Variants in COL25A1 observed in about 807,000 individuals in gnomAD.
COL25A1 encodes collagen alpha-1(XXV) chain.
COL25A1 carries 103 observed loss-of-function variants against 128.4 expected under a neutral mutation model. The observed-to-expected ratio is 0.80, with a 90% CI of 0.68 to 0.94. The LOEUF is 0.94. Among genes scored for constraint, COL25A1 ranks in the 40% least tolerant of loss-of-function variants. The probability of loss-of-function intolerance (pLI) is 0.00; values close to 1 mark genes in which losing one functional copy is unlikely to be tolerated. For synonymous variants in COL25A1, 279 were observed against 277.2 expected (o/e 1.01, Z -0.06); for missense variants, 745 against 840.0 (o/e 0.89, Z 1.40).
At chr4:109,074,887 T>C (rs569362395) in intron 3 of COL25A1, among the ~76,000 whole-genome samples, 12 of 152,254 alleles carry the variant, frequency 7.9e-5, no homozygotes, top group Middle Eastern at 3.4e-3. Context: ...TTGTAAGAAG[T>C]ATGCGCATGA....
intron 6 of COL25A1, among the ~76,000 whole-genome samples, chr4:109,004,265 C>T (rs1755750873): frequency 6.6e-6 from 1 of 152,130 alleles, no homozygotes. Context: ...CTGTCTTCAG[C>T]TTTAGGAAGA....
chr4:109,160,603 T>G (rs150061108), intron 3 of COL25A1, among the ~76,000 whole-genome samples: 5 of 152,272 alleles, frequency 3.3e-5, no homozygotes, highest in African/African-American at 1.2e-4. Context: ...GAACGGGCTC[T>G]GTCCATCTGC....
At chr4:109,056,578 A>G (rs1761464259) in intron 3 of COL25A1, among the ~76,000 whole-genome samples, 1 of 152,194 alleles carries the variant, frequency 6.6e-6, no homozygotes, top group African/African-American at 2.4e-5. Context: ...GAATATGCAG[A>G]AACTATGTTC....
chr4:109,255,761 T>G (rs192127228), intron 3 of COL25A1, among the ~76,000 whole-genome samples: 119 of 152,356 alleles, frequency 7.8e-4, no homozygotes, highest in African/African-American at 2.8e-3. Flanking sequence ...TTTCATAATA[T>G]TGATGCTTTC....
At chr4:109,175,640 A>C (rs1450359222) in intron 3 of COL25A1, among the ~76,000 whole-genome samples, 1 of 152,216 alleles carries the variant, frequency 6.6e-6, no homozygotes, top group Admixed American at 6.6e-5. Flanking sequence ...CATCTTTCCC[A>C]AAAATTTAAT....
chr4:108,864,698 G>C (rs1391511757), intron 20 of COL25A1, among the ~76,000 whole-genome samples: 1 of 152,172 alleles, frequency 6.6e-6, no homozygotes, highest in Non-Finnish European at 1.5e-5. Context: ...CCCTGGAGGT[G>C]AGACTTGAGT....
intron 19 of COL25A1, among the ~76,000 whole-genome samples, chr4:108,880,298 T>A (rs943267283): frequency 6.6e-6 from 1 of 152,166 alleles, no homozygotes; most frequent in Non-Finnish European, 1.5e-5. Flanking sequence ...CTGGGATACA[T>A]TTGGGTAATA....
chr4:108,866,262 G>A (rs1046572150), intron 20 of COL25A1, among the ~76,000 whole-genome samples: 8 of 147,102 alleles, frequency 5.4e-5, no homozygotes, highest in African/African-American at 7.6e-5. Context: ...TTGTGATCTC[G>A]GCTCACTGCA....
intron 3 of COL25A1, among the ~76,000 whole-genome samples, chr4:109,080,843 T>C (rs1307450597): frequency 6.6e-6 from 1 of 152,234 alleles, no homozygotes; most frequent in Non-Finnish European, 1.5e-5. Context: ...TATTTTCAGC[T>C]ATCTCCCACT....
At chr4:109,073,370 A>T (rs910310830) in intron 3 of COL25A1, among the ~76,000 whole-genome samples, 1 of 152,244 alleles carries the variant, frequency 6.6e-6, no homozygotes, top group South Asian at 2.1e-4. Flanking sequence ...ATGAGAATGT[A>T]CAGATCCATT....
intron 19 of COL25A1, among the ~76,000 whole-genome samples, chr4:108,880,829 A>G (rs1323866357): frequency 3.9e-5 from 6 of 152,206 alleles, no homozygotes; most frequent in Non-Finnish European, 8.8e-5. Flanking sequence ...ATGTATTTAC[A>G]TTTTTCAAAA....
At chr4:109,161,153 T>C (rs1239875725) in intron 3 of COL25A1, among the ~76,000 whole-genome samples, 1 of 152,084 alleles carries the variant, frequency 6.6e-6, no homozygotes, top group Admixed American at 6.6e-5. Flanking sequence ...TTCAACTACA[T>C]CATGATCTAG....
chr4:109,236,144 C>T (rs370763107), intron 3 of COL25A1, among the ~76,000 whole-genome samples: 1 of 151,810 alleles, frequency 6.6e-6, no homozygotes, highest in Non-Finnish European at 1.5e-5. Context: ...GAAACAAACA[C>T]TTAGATTTTT....
chr4:108,889,787 C>G (rs950831937), intron 16 of COL25A1, 54 bp from the exon 17 acceptor site: 4 of 1,511,830 alleles, frequency 2.6e-6, no homozygotes, highest in South Asian at 1.1e-5. Context: ...TAGGAAACAT[C>G]ACAAGCACTC....
intron 3 of COL25A1, among the ~76,000 whole-genome samples, chr4:109,067,330 C>T (rs1762528643): frequency 6.6e-6 from 1 of 152,094 alleles, no homozygotes; most frequent in African/African-American, 2.4e-5. Context: ...AATACCCATA[C>T]TTTTTGAATG....
At position 108,825,131 on chromosome 4, in the gene COL25A1, T is replaced by A. The variant is rs1732216434; in HGVS notation, c.1791+65A>T. ...GAAAAAAAAGAAGTATTCTTTTTGT[T>A]ATCGATGATGGAGACCATCAACATC... On this transcript the variant is annotated intron_variant, in intron 34 of 37. Transcript: ENST00000399132. 6 of 1,290,412 alleles carry A rather than the reference T, an allele frequency of 4.6e-6. No homozygotes were observed. The East Asian group carries it at 1.2e-4, about 25-fold the overall frequency. The allele number at this position is 1,290,412 out of a possible 1,614,324, so 79.9% of individuals were successfully genotyped here. A position where few individuals can be genotyped will look rare whatever the true frequency, so the allele number is the denominator to read the frequency against.
chr4:109,199,321 C>G (rs551810985), intron 3 of COL25A1, among the ~76,000 whole-genome samples: 1 of 149,444 alleles, frequency 6.7e-6, no homozygotes, highest in African/African-American at 2.4e-5. Flanking sequence ...TTTTGTTTTT[C>G]TTTTTCTAGA....
At chr4:108,951,428 G>A (rs2125946901) in intron 8 of COL25A1, among the ~76,000 whole-genome samples, 1 of 149,580 alleles carries the variant, frequency 6.7e-6, no homozygotes, top group East Asian at 2.0e-4. Flanking sequence ...CTCTGTCATG[G>A]AGGCTGGAGT....
At chr4:109,231,132 C>T (rs1384065239) in intron 3 of COL25A1, among the ~76,000 whole-genome samples, 1 of 151,584 alleles carries the variant, frequency 6.6e-6, no homozygotes, top group East Asian at 1.9e-4. Context: ...AGAAGCGAGA[C>T]TCCATCTCAA....
Sources: allele counts gnomAD v4.1 joint callset (sites outside exome capture counted in the v4.1 genomes callset), GRCh38; gene constraint gnomAD v4.1.1; transcripts MANE v1.5; gene names NCBI Gene and HGNC (gene_info 2026-07-23, HGNC 2026-07-21).